JAM3: variants seen among roughly 807,000 people sequenced by gnomAD.
JAM3 encodes the protein junctional adhesion molecule C.
Under a neutral mutation model 39.4 loss-of-function variants are expected in JAM3, and 31 were observed. The observed-to-expected ratio is 0.79, with a 90% CI of 0.59 to 1.06. The LOEUF is 1.06. Ranked by LOEUF, JAM3 falls within the 50% of genes least tolerant of loss-of-function variation. JAM3 has a pLI of 0.00. For synonymous variants in JAM3, 182 were observed against 148.7 expected, an observed-to-expected ratio of 1.22 and a Z score of -1.63; for missense variants, 455 against 391.4, an observed-to-expected ratio of 1.16 and a Z score of -1.37.
At chr11:134,124,244 G>T (rs1007822763) in intron 1 of JAM3, 13 of 1,151,680 alleles carry the variant, frequency 1.1e-5, no homozygotes, top group Non-Finnish European at 1.6e-5. Context: ...CTGGGAACTC[G>T]TTGAGAGTAG....
At chr11:134,069,751 C>T (rs1212597476) in intron 1 of JAM3, among the ~76,000 whole-genome samples, 1 of 152,198 alleles carries the variant, frequency 6.6e-6, no homozygotes, top group Admixed American at 6.5e-5. Context: ...GGGGACGTAG[C>T]TGAGGACCGG....
Position 134,144,470 on chromosome 11 carries a change from C to G in JAM3, c.409+77C>G, listed in dbSNP as rs866505207. On this transcript the variant is annotated intron_variant, in intron 4 of 8. Transcript: ENST00000299106. ...AGTTAGTGTCTTGGTTTCTTTCCTT[C>G]TAGAACTGTATCCCTGAGGGCTTCA... 4 of 1,545,492 alleles carry G rather than the reference C, an allele frequency of 2.6e-6. No individual in the cohort carries two copies. The Middle Eastern group carries it at 5.5e-4, about 212-fold the overall frequency.
intron 5 of JAM3, among the ~76,000 whole-genome samples, 174 bp from the exon 6 acceptor site, chr11:134,145,772 T>G (rs1943059632): frequency 6.6e-6 from 1 of 152,176 alleles, no homozygotes; most frequent in African/African-American, 2.4e-5. Context: ...GGATTGGTTG[T>G]TGGGGAGCTG....
Position 134,140,734 on chromosome 11 carries a change from C to T in JAM3, c.220C>T (p.Gln74Ter), listed in dbSNP as rs146878298. The change falls in exon 3 of 9, where the codon CAA becomes TAA. Residue 74 changes from glutamine (Q) to a stop codon, truncating the protein, a stop_gained. Coordinates refer to ENST00000299106, the MANE Select transcript of JAM3 (RefSeq NM_032801.5). LOFTEE classifies it high-confidence loss of function. ...RIEWKKIQDE[Q>*]TTYVFFDNKI... is the part of the protein sequence containing the mutation. ...CGAGTGGAAGAAAATTCAAGATGAA[C>T]AAACCACATATGTGTTTTTTGACAA... 8 of 1,613,494 alleles carry T rather than the reference C, an allele frequency of 5.0e-6. No homozygotes were observed. The highest frequency in any genetic ancestry group is 5.1e-6 in the Non-Finnish European group (6 of 1,179,806).
intron 6 of JAM3, among the ~76,000 whole-genome samples, chr11:134,146,583 A>G (rs1943076193): frequency 6.6e-6 from 1 of 152,082 alleles, no homozygotes; most frequent in African/African-American, 2.4e-5. Context: ...AAAAACAAAA[A>G]ACACCACAGG....
intron 1 of JAM3, chr11:134,123,718 CCAT>C: frequency 5.5e-6 from 3 of 547,936 alleles, no homozygotes; most frequent in Non-Finnish European, 1.0e-5. Flanking sequence ...AGTAGTGAAT[CCAT>C]CACTACTTTG....
At chr11:134,139,638 C>G in intron 1 of JAM3, 1 of 585,742 alleles carries the variant, frequency 1.7e-6, no homozygotes, top group Non-Finnish European at 3.1e-6. Flanking sequence ...TCTTAGAACT[C>G]TTCTCTTTCC....
rs1941574248 is a variant in JAM3, at chr11:134,076,568, T to G, written c.76+7409T>G. Among the ~76,000 whole-genome samples the G allele has an allele frequency of 3.9e-5, 6 of 152,348 alleles. No individual in the cohort carries two copies. In the South Asian group the frequency reaches 1.2e-3, roughly 32 times the overall value. On this transcript the variant is annotated intron_variant, in intron 1 of 8. Coordinates refer to ENST00000299106, the MANE Select transcript of JAM3 (RefSeq NM_032801.5). ...TAAATCTGTTGTTATTTCTTATGAC[T>G]TGTACATATGGTGGTTTCTTTGCTT...
At chr11:134,098,476 C>G (rs932464627) in intron 1 of JAM3, among the ~76,000 whole-genome samples, 3 of 152,158 alleles carry the variant, frequency 2.0e-5, no homozygotes, top group Admixed American at 6.5e-5. Flanking sequence ...GACAGCAAGA[C>G]TATTTCTACC....
intron 1 of JAM3, among the ~76,000 whole-genome samples, chr11:134,117,396 T>A (rs1325938461): frequency 6.6e-6 from 1 of 150,434 alleles, no homozygotes; most frequent in Non-Finnish European, 1.5e-5. Flanking sequence ...AGAAAAACAA[T>A]CCAAATTGGC....
chr11:134,127,511 C>T (rs1021015995), intron 1 of JAM3, among the ~76,000 whole-genome samples: 4 of 152,046 alleles, frequency 2.6e-5, no homozygotes, highest in Non-Finnish European at 5.9e-5. Context: ...CCAGCCTGGC[C>T]AACATGGTGA....
intron 1 of JAM3, among the ~76,000 whole-genome samples, chr11:134,103,185 A>G (rs892707337): frequency 3.3e-5 from 5 of 152,266 alleles, no homozygotes; most frequent in Admixed American, 3.3e-4. Context: ...TCCGCAAACC[A>G]GAAGAGAGTG....
intron 1 of JAM3, among the ~76,000 whole-genome samples, chr11:134,120,323 C>T (rs1000061182): frequency 8.5e-5 from 13 of 152,192 alleles, no homozygotes; most frequent in Admixed American, 5.9e-4. Context: ...GTCTTTTGAG[C>T]AAGAGACAAA....
intron 1 of JAM3, among the ~76,000 whole-genome samples, chr11:134,076,031 A>G (rs1349249915): frequency 1.7e-5 from 2 of 117,118 alleles, no homozygotes; most frequent in African/African-American, 1.1e-4. Context: ...TTGATAACCA[A>G]TCAATACACA....
chr11:134,145,344 T>G (rs1246792070), intron 5 of JAM3: 1 of 403,802 alleles, frequency 2.5e-6, no homozygotes, highest in African/African-American at 2.0e-5. Flanking sequence ...AACTGTTCAT[T>G]GCTTTAGGCA....
At chr11:134,091,338 T>TA (rs988512278) in intron 1 of JAM3, among the ~76,000 whole-genome samples, 2 of 151,750 alleles carry the variant, frequency 1.3e-5, no homozygotes, top group African/African-American at 2.4e-5. Flanking sequence ...TACTAAAAAT[T>TA]AAAAAAATTA....
intron 1 of JAM3, among the ~76,000 whole-genome samples, chr11:134,108,069 G>A (rs576701683): frequency 1.3e-5 from 2 of 151,914 alleles, no homozygotes; most frequent in East Asian, 3.9e-4. Context: ...GACTAATTGG[G>A]AACAATAGAG....
intron 1 of JAM3, among the ~76,000 whole-genome samples, chr11:134,110,205 C>T (rs1942283044): frequency 6.6e-6 from 1 of 152,068 alleles, no homozygotes; most frequent in African/African-American, 2.4e-5. Context: ...GATTTCCCAT[C>T]CATTGCAGGT....
intron 1 of JAM3, among the ~76,000 whole-genome samples, chr11:134,117,387 G>GAAA (rs386375329): frequency 5.3e-5 from 8 of 151,790 alleles, no homozygotes; most frequent in Non-Finnish European, 1.0e-4. Context: ...CTCAAAAAAA[G>GAAA]AAAAACAATC....
Sources: allele counts gnomAD v4.1 joint callset (sites outside exome capture counted in the v4.1 genomes callset), GRCh38; gene constraint gnomAD v4.1.1; transcripts MANE v1.5; gene names NCBI Gene and HGNC (gene_info 2026-07-23, HGNC 2026-07-21).